Variants in SNTG1 observed in about 807,000 individuals in gnomAD.
The protein encoded by SNTG1 is syntrophin gamma 1, also known as gamma-1-syntrophin.
SNTG1 carries 39 observed loss-of-function variants against 74.7 expected under a neutral mutation model. The ratio of observed to expected loss-of-function variants is 0.52; its 90% confidence interval spans 0.40 to 0.68. SNTG1 has a LOEUF of 0.68. Ranked by LOEUF, SNTG1 falls within the 30% of genes least tolerant of loss-of-function variation. The pLI, the probability that SNTG1 is intolerant of heterozygous loss-of-function variation, is 0.00. For synonymous variants in SNTG1, 254 were observed against 217.1 expected (o/e 1.17, Z -1.49); for missense variants, 685 against 609.5 (o/e 1.12, Z -1.30).
intron 1 of SNTG1, among the ~76,000 whole-genome samples, chr8:50,124,949 T>A (rs1457932007): frequency 7.0e-6 from 1 of 141,896 alleles, no homozygotes; most frequent in Non-Finnish European, 1.6e-5. Context: ...ACTGAACATA[T>A]GTTATCTTAT....
intron 1 of SNTG1, among the ~76,000 whole-genome samples, chr8:49,932,213 T>G (rs185022256): frequency 6.6e-6 from 1 of 152,296 alleles, no homozygotes; most frequent in East Asian, 1.9e-4. Flanking sequence ...TAGTTCCTAT[T>G]ACAGCTTCTA....
At chr8:49,939,712 A>C (rs1433410185) in intron 1 of SNTG1, among the ~76,000 whole-genome samples, 1 of 152,182 alleles carries the variant, frequency 6.6e-6, no homozygotes, top group African/African-American at 2.4e-5. Flanking sequence ...AAGCCTTTTA[A>C]AATAACCAAA....
At chr8:50,779,949 T>C (rs1224571375) in intron 18 of SNTG1, among the ~76,000 whole-genome samples, 1 of 152,096 alleles carries the variant, frequency 6.6e-6, no homozygotes, top group Non-Finnish European at 1.5e-5. Flanking sequence ...TTTCTGCATC[T>C]ATTGAGATAA....
chr8:50,447,516 CT>C, intron 5 of SNTG1, among the ~76,000 whole-genome samples: 1 of 152,280 alleles, frequency 6.6e-6, no homozygotes, highest in Non-Finnish European at 1.5e-5. Context: ...CCTTAACATC[CT>C]TTCTAATTTC....
At chr8:50,077,391 C>CT (rs1171228835) in intron 1 of SNTG1, among the ~76,000 whole-genome samples, 3 of 152,106 alleles carry the variant, frequency 2.0e-5, no homozygotes, top group Non-Finnish European at 4.4e-5. Context: ...GAGCTAAATA[C>CT]TTTATCTTCT....
chr8:50,148,988 T>C (rs533339639), intron 1 of SNTG1, among the ~76,000 whole-genome samples: 20 of 152,306 alleles, frequency 1.3e-4, no homozygotes, highest in African/African-American at 3.6e-4. Context: ...ACTTCCACAA[T>C]GGTTGAATTA....
At chr8:49,998,501 T>C (rs1241757819) in intron 1 of SNTG1, among the ~76,000 whole-genome samples, 1 of 152,120 alleles carries the variant, frequency 6.6e-6, no homozygotes, top group Non-Finnish European at 1.5e-5. Flanking sequence ...CTGTACAAAA[T>C]ATTTTTTAAT....
At chr8:50,381,717 G>T in intron 2 of SNTG1, among the ~76,000 whole-genome samples, 4 of 112,972 alleles carry the variant, frequency 3.5e-5, no homozygotes, top group Non-Finnish European at 7.3e-5. Context: ...ATATATATAG[G>T]ATATATATAT....
chr8:50,738,314 TACAA>T (rs1219559489), intron 17 of SNTG1, among the ~76,000 whole-genome samples: 1 of 152,074 alleles, frequency 6.6e-6, no homozygotes, highest in African/African-American at 2.4e-5. Context: ...TCACAATTGC[TACAA>T]ACAGAATAAA....
intron 11 of SNTG1, among the ~76,000 whole-genome samples, chr8:50,546,627 G>A (rs1008503000): frequency 1.3e-5 from 2 of 149,894 alleles, no homozygotes; most frequent in African/African-American, 4.9e-5. Flanking sequence ...GTGAGAACAT[G>A]CGGTGTTTGG....
intron 1 of SNTG1, among the ~76,000 whole-genome samples, chr8:49,913,390 C>T (rs189490582): frequency 6.6e-6 from 1 of 152,356 alleles, no homozygotes; most frequent in African/African-American, 2.4e-5. Context: ...TACGTACCTT[C>T]CTTCTCAATT....
chr8:50,558,483 A>C (rs1428866054), intron 12 of SNTG1, among the ~76,000 whole-genome samples: 1 of 152,030 alleles, frequency 6.6e-6, no homozygotes, highest in African/African-American at 2.4e-5. Context: ...AAACAGGTAA[A>C]CTCCTGTTTG....
chr8:50,767,189 G>A (rs2095615873), intron 18 of SNTG1, among the ~76,000 whole-genome samples: 1 of 151,810 alleles, frequency 6.6e-6, no homozygotes, highest in Admixed American at 6.6e-5. Context: ...TATTCCCAGG[G>A]CAAATACATC....
chr8:50,159,798 T>C (rs2082360969), intron 1 of SNTG1, among the ~76,000 whole-genome samples: 2 of 152,146 alleles, frequency 1.3e-5, no homozygotes, highest in African/African-American at 4.8e-5. Context: ...CCCTTATTCA[T>C]TTGGTCCCAT....
intron 1 of SNTG1, among the ~76,000 whole-genome samples, chr8:49,931,304 C>T (rs578069121): frequency 2.5e-4 from 38 of 152,168 alleles, no homozygotes; most frequent in Non-Finnish European, 5.0e-4. Flanking sequence ...AAACCAGGGA[C>T]TGTACCCTGA....
At chr8:50,449,756 A>T in intron 6 of SNTG1, 31 bp downstream of exon 6, 3 of 1,520,438 alleles carry the variant, frequency 2.0e-6, no homozygotes, top group Non-Finnish European at 2.7e-6. Context: ...TGTACCAGCC[A>T]TTTCTTTAAG....
At chr8:50,021,932 C>A (rs1305132731) in intron 1 of SNTG1, among the ~76,000 whole-genome samples, 2 of 82,304 alleles carry the variant, frequency 2.4e-5, no homozygotes, top group African/African-American at 4.5e-5. Context: ...CACAGTGAGA[C>A]CCTCTCAAAA....
chr8:49,983,120 C>T (rs1163653626), intron 1 of SNTG1, among the ~76,000 whole-genome samples: 1 of 152,122 alleles, frequency 6.6e-6, no homozygotes, highest in African/African-American at 2.4e-5. Flanking sequence ...GACCGTAAAA[C>T]CTCAAGTGTT....
chr8:50,249,176 T>C (rs1462854142), intron 2 of SNTG1, among the ~76,000 whole-genome samples: 2 of 152,110 alleles, frequency 1.3e-5, no homozygotes, highest in Non-Finnish European at 1.5e-5. Flanking sequence ...TAGAGGAGGA[T>C]CTTCTAGTCC....
Sources: allele counts gnomAD v4.1 joint callset (sites outside exome capture counted in the v4.1 genomes callset), GRCh38; gene constraint gnomAD v4.1.1; transcripts MANE v1.5; gene names NCBI Gene and HGNC (gene_info 2026-07-23, HGNC 2026-07-21).